Variants in GRM8 observed in about 807,000 individuals in gnomAD.
GRM8 encodes metabotropic glutamate receptor 8.
GRM8 carries 47 observed loss-of-function variants against 87.2 expected under a neutral mutation model. The observed-to-expected ratio is 0.54, with a 90% CI of 0.43 to 0.69. GRM8 has a LOEUF of 0.69. GRM8 is among the 30% of genes least tolerant of loss of function. The pLI, the probability that GRM8 is intolerant of heterozygous loss-of-function variation, is 0.00. For synonymous variants in GRM8, 396 were observed against 404.5 expected (o/e 0.98, Z 0.25); for missense variants, 1,019 against 1,139.2 (o/e 0.89, Z 1.52).
chr7:126,624,336 G>A (rs573688500), intron 7 of GRM8, among the ~76,000 whole-genome samples: 3 of 152,134 alleles, frequency 2.0e-5, no homozygotes, highest in South Asian at 4.1e-4. Flanking sequence ...CTCTCTCAGG[G>A]ATTTTCTGTT....
chr7:126,509,721 T>C (rs760124851), intron 9 of GRM8, among the ~76,000 whole-genome samples: 5 of 151,956 alleles, frequency 3.3e-5, no homozygotes, highest in Non-Finnish European at 7.4e-5. Flanking sequence ...AGAGATAAAA[T>C]TTGAAATCAG....
At chr7:126,998,324 C>A (rs1422205721) in intron 3 of GRM8, among the ~76,000 whole-genome samples, 2 of 151,838 alleles carry the variant, frequency 1.3e-5, no homozygotes, top group Non-Finnish European at 2.9e-5. Flanking sequence ...TGGGAAAAAA[C>A]TGAAAGCCTT....
intron 7 of GRM8, among the ~76,000 whole-genome samples, chr7:126,655,281 C>T (rs1585392583): frequency 6.6e-6 from 1 of 152,122 alleles, no homozygotes; most frequent in African/African-American, 2.4e-5. Context: ...AGTTCCATAC[C>T]ACCATCTTCT....
chr7:126,613,606 G>GTCAGGGAAT, intron 7 of GRM8, among the ~76,000 whole-genome samples: 1 of 152,214 alleles, frequency 6.6e-6, no homozygotes, highest in East Asian at 1.9e-4. Flanking sequence ...AGTGCAAGGG[G>GTCAGGGAAT]TCAGGGAATT....
chr7:126,882,369 C>T (rs1475090919), intron 6 of GRM8, among the ~76,000 whole-genome samples: 1 of 152,060 alleles, frequency 6.6e-6, no homozygotes, highest in Non-Finnish European at 1.5e-5. Flanking sequence ...CAAAATATAA[C>T]ATGAACAAAT....
At chr7:126,749,542 A>G (rs576160195) in intron 7 of GRM8, among the ~76,000 whole-genome samples, 6 of 150,248 alleles carry the variant, frequency 4.0e-5, no homozygotes, top group Non-Finnish European at 7.4e-5. Context: ...ATAAACAAAT[A>G]TTACATATTT....
chr7:127,096,167 C>A (rs763498780), intron 3 of GRM8, among the ~76,000 whole-genome samples: 3 of 152,150 alleles, frequency 2.0e-5, no homozygotes, highest in African/African-American at 7.2e-5. Flanking sequence ...GAGCACTTAG[C>A]CTCTCTGCTG....
chr7:126,548,854 C>T (rs888173035), intron 8 of GRM8, among the ~76,000 whole-genome samples: 4 of 152,058 alleles, frequency 2.6e-5, no homozygotes, highest in African/African-American at 9.7e-5. Flanking sequence ...ATCTTCGAAA[C>T]GAGCTTAGTG....
At chr7:127,112,771 G>A (rs906386919) in intron 2 of GRM8, among the ~76,000 whole-genome samples, 1 of 152,154 alleles carries the variant, frequency 6.6e-6, no homozygotes, top group African/African-American at 2.4e-5. Flanking sequence ...TCGTAGGGAA[G>A]CTTACAACTG....
At chr7:127,167,138 CA>C (rs1344283623) in intron 2 of GRM8, among the ~76,000 whole-genome samples, 1 of 151,860 alleles carries the variant, frequency 6.6e-6, no homozygotes, top group Non-Finnish European at 1.5e-5. Context: ...AATCTGCAGG[CA>C]AAAAGGAGGC....
chr7:126,571,764 G>C (rs1174986592), intron 8 of GRM8, among the ~76,000 whole-genome samples: 1 of 142,514 alleles, frequency 7.0e-6, no homozygotes, highest in Non-Finnish European at 1.5e-5. Context: ...TTTTTGAGAT[G>C]GAGTCTCACC....
chr7:127,046,157 G>A (rs1818900746), intron 3 of GRM8, among the ~76,000 whole-genome samples: 1 of 152,086 alleles, frequency 6.6e-6, no homozygotes, highest in East Asian at 1.9e-4. Flanking sequence ...GGATCATGAG[G>A]TCAGGAGATC....
At chr7:127,130,757 G>A (rs939765461) in intron 2 of GRM8, among the ~76,000 whole-genome samples, 1 of 152,144 alleles carries the variant, frequency 6.6e-6, no homozygotes, top group Non-Finnish European at 1.5e-5. Context: ...GGACCTGGTG[G>A]AAGGTGATGG....
chr7:126,849,689 T>G (rs903570388), intron 6 of GRM8, among the ~76,000 whole-genome samples: 1 of 152,160 alleles, frequency 6.6e-6, no homozygotes, highest in Non-Finnish European at 1.5e-5. Context: ...CTGATGATCT[T>G]GCATCCCCAT....
intron 3 of GRM8, among the ~76,000 whole-genome samples, chr7:127,017,157 T>C (rs1413541535): frequency 6.6e-6 from 1 of 152,096 alleles, no homozygotes; most frequent in African/African-American, 2.4e-5. Flanking sequence ...ATTTTAATAC[T>C]GTTTTCTGAT....
intron 2 of GRM8, among the ~76,000 whole-genome samples, chr7:127,158,550 C>T (rs181669588): frequency 6.6e-4 from 101 of 152,306 alleles, no homozygotes; most frequent in South Asian, 2.7e-3. Context: ...ATCAAGGCAC[C>T]AGTACATTCA....
intron 7 of GRM8, among the ~76,000 whole-genome samples, chr7:126,767,130 A>G (rs1032042413): frequency 6.6e-6 from 1 of 152,104 alleles, no homozygotes; most frequent in Non-Finnish European, 1.5e-5. Flanking sequence ...TCTGAGTAGG[A>G]TATTTTTGAA....
chr7:126,478,398 T>C (rs1806258582), intron 9 of GRM8, among the ~76,000 whole-genome samples: 1 of 152,096 alleles, frequency 6.6e-6, no homozygotes, highest in Non-Finnish European at 1.5e-5. Flanking sequence ...TCAGAGACAT[T>C]ACTGGCGTGA....
intron 7 of GRM8, among the ~76,000 whole-genome samples, chr7:126,679,886 C>T (rs1234628810): frequency 2.6e-5 from 4 of 151,918 alleles, no homozygotes; most frequent in Non-Finnish European, 5.9e-5. Flanking sequence ...GAAAAATGAG[C>T]CAGGCCAGGT....
Sources: gnomAD v4.1 joint callset for allele counts (sites outside exome capture counted in the v4.1 genomes callset) on GRCh38, gnomAD v4.1.1 for gene constraint, MANE v1.5 for transcripts, NCBI Gene and HGNC (gene_info 2026-07-23, HGNC 2026-07-21) for gene names.